The following INPP4B variants were observed in gnomAD, a reference collection of about 807,000 sequenced individuals.
INPP4B encodes inositol polyphosphate 4-phosphatase type II.
In INPP4B, 55 loss-of-function variants were observed where a neutral mutation model predicts 122.5. The observed-to-expected ratio is 0.45, with a 90% confidence interval of 0.36 to 0.56. INPP4B has a LOEUF of 0.56. INPP4B is among the 20% of genes least tolerant of loss of function. The pLI is 0.00. For synonymous variants in INPP4B, 403 were observed against 388.7 expected (o/e 1.04, Z -0.43); for missense variants, 1,000 against 1,097.7 (o/e 0.91, Z 1.26).
At chr4:142,279,356 G>A (rs748084244) in intron 9 of INPP4B, among the ~76,000 whole-genome samples, 1 of 151,620 alleles carries the variant, frequency 6.6e-6, no homozygotes, top group Non-Finnish European at 1.5e-5. Context: ...TAAAATGAAG[G>A]AATTGAACTA....
chr4:142,439,975 A>G (rs529725774), intron 3 of INPP4B, among the ~76,000 whole-genome samples: 12 of 152,294 alleles, frequency 7.9e-5, no homozygotes, highest in Non-Finnish European at 1.5e-4. Context: ...CACATAATTT[A>G]TTACTGTTTA....
chr4:142,216,894 G>A (rs1847513699), intron 12 of INPP4B, among the ~76,000 whole-genome samples: 1 of 152,164 alleles, frequency 6.6e-6, no homozygotes, highest in Non-Finnish European at 1.5e-5. Flanking sequence ...CTTTAATTTT[G>A]TTACATATAA....
chr4:142,740,856 G>T (rs1767796976), intron 1 of INPP4B, among the ~76,000 whole-genome samples: 1 of 152,010 alleles, frequency 6.6e-6, no homozygotes, highest in South Asian at 2.1e-4. Context: ...AAATCTTTCA[G>T]AAGATAAATT....
chr4:142,543,912 G>T (rs1260001345), intron 2 of INPP4B, among the ~76,000 whole-genome samples: 1 of 152,082 alleles, frequency 6.6e-6, no homozygotes, highest in Non-Finnish European at 1.5e-5. Context: ...CCACCCAGAA[G>T]TAAGTCTCAG....
rs386401711 is a variant in INPP4B, at chr4:142,185,398, G to GTA, written c.1181+7687_1181+7688dup. On this transcript the variant is annotated intron_variant, in intron 15 of 25. Coordinates refer to ENST00000262992, the MANE Select transcript of INPP4B (RefSeq NM_001101669.3). ...TAAATATATATGTGTATGTGTGTGTGTATATATATATATATATATATCTCA... is the reference window on the plus strand; with the variant it reads ...TAAATATATATGTGTATGTGTGTGTGTATATATATATATATATATATATCTCA... Among the ~76,000 whole-genome samples the GTA allele has an allele frequency of 4.6e-3, 684 of 147,176 alleles. 7 individuals are homozygous for GTA. Among genetic ancestry groups the GTA allele is most frequent in the African/African-American group, 0.016 (650 of 40,394 alleles).
rs1290382164 is a variant in INPP4B, at chr4:142,025,308, A to C, written c.*3474T>G. The stretch of plus-strand genomic sequence containing the variant: ...ATCCTGTTTTCACTGTAAAGATGTA[A>C]TAGACCTAAATAGACTCAAGAGTAC... On this transcript the variant is annotated 3_prime_UTR_variant, in exon 26 of 26. Transcript: ENST00000262992. The C allele has an allele frequency of 6.6e-6, 1 of 152,212 alleles. No homozygotes were observed. Among genetic ancestry groups the C allele is most frequent in the Non-Finnish European group, 1.5e-5 (1 of 68,038 alleles). 9.4% of individuals were successfully genotyped at this position (152,212 alleles called of 1,614,324 possible).
chr4:142,823,915 T>C (rs1438174321), intron 1 of INPP4B, among the ~76,000 whole-genome samples: 1 of 152,130 alleles, frequency 6.6e-6, no homozygotes, highest in Non-Finnish European at 1.5e-5. Flanking sequence ...TGGAAGAGAT[T>C]AGCACTGAAT....
intron 17 of INPP4B, among the ~76,000 whole-genome samples, chr4:142,149,665 A>G (rs759001598): frequency 6.6e-6 from 1 of 152,324 alleles, no homozygotes; most frequent in East Asian, 1.9e-4. Context: ...TATGAGTCCA[A>G]TGGTGGATCC....
chr4:142,641,627 C>T (rs1272288901), intron 2 of INPP4B, among the ~76,000 whole-genome samples: 1 of 152,128 alleles, frequency 6.6e-6, no homozygotes, highest in East Asian at 1.9e-4. Context: ...GCATAGTATA[C>T]CATGGTGTGT....
intron 17 of INPP4B, among the ~76,000 whole-genome samples, chr4:142,151,029 G>C (rs1813630333): frequency 6.6e-6 from 1 of 152,116 alleles, no homozygotes; most frequent in Non-Finnish European, 1.5e-5. Context: ...ACTTTGATTA[G>C]AAACAGTCAG....
intron 14 of INPP4B, among the ~76,000 whole-genome samples, chr4:142,205,403 G>A (rs7670799): frequency 1.2e-3 from 181 of 152,172 alleles, no homozygotes; most frequent in African/African-American, 4.1e-3. Flanking sequence ...GTATTTGCAT[G>A]TGATGATTTC....
chr4:142,727,495 A>G (rs1765487167), intron 1 of INPP4B, among the ~76,000 whole-genome samples: 1 of 152,228 alleles, frequency 6.6e-6, no homozygotes. Context: ...ATTGGTGAAT[A>G]TCATTATTAG....
At chr4:142,707,673 G>A (rs1427745879) in intron 2 of INPP4B, among the ~76,000 whole-genome samples, 3 of 152,182 alleles carry the variant, frequency 2.0e-5, no homozygotes, top group Non-Finnish European at 2.9e-5. Flanking sequence ...CATGCTTCCT[G>A]TACAACCTGT....
intron 2 of INPP4B, among the ~76,000 whole-genome samples, chr4:142,509,830 A>G (rs1040068880): frequency 1.3e-5 from 2 of 152,208 alleles, no homozygotes; most frequent in African/African-American, 2.4e-5. Flanking sequence ...GTTTGTAAAG[A>G]TTCAATAATA....
At chr4:142,341,354 G>A (rs112362105) in intron 7 of INPP4B, among the ~76,000 whole-genome samples, 3 of 151,972 alleles carry the variant, frequency 2.0e-5, no homozygotes, top group Admixed American at 1.3e-4. Context: ...ACCTAGCAAC[G>A]TATGCACAGA....
intron 12 of INPP4B, among the ~76,000 whole-genome samples, chr4:142,235,643 T>C (rs778549508): frequency 1.3e-5 from 2 of 152,170 alleles, no homozygotes; most frequent in Non-Finnish European, 2.9e-5. Flanking sequence ...GCCAGGATGG[T>C]CTCGATCTCC....
At chr4:142,626,354 C>A (rs569502261) in intron 2 of INPP4B, among the ~76,000 whole-genome samples, 13 of 152,092 alleles carry the variant, frequency 8.5e-5, no homozygotes, top group Middle Eastern at 6.8e-3. Flanking sequence ...GGACAGGGAT[C>A]TTCTTTAAGT....
chr4:142,284,841 G>A (rs1024006571), intron 9 of INPP4B, among the ~76,000 whole-genome samples: 6 of 152,110 alleles, frequency 3.9e-5, no homozygotes, highest in Admixed American at 3.9e-4. Context: ...TGTGAAATAG[G>A]TATGCGAAAC....
intron 6 of INPP4B, among the ~76,000 whole-genome samples, chr4:142,404,668 C>A (rs1802730836): frequency 6.6e-6 from 1 of 152,046 alleles, no homozygotes; most frequent in Non-Finnish European, 1.5e-5. Context: ...ATCTACTTTT[C>A]CCTGAAAAAC....
Sources: allele counts gnomAD v4.1 joint callset (sites outside exome capture counted in the v4.1 genomes callset), GRCh38; gene constraint gnomAD v4.1.1; transcripts MANE v1.5; gene names NCBI Gene and HGNC (gene_info 2026-07-23, HGNC 2026-07-21).